The following SLC26A5 variants were observed in gnomAD, a reference collection of about 807,000 sequenced individuals.
SLC26A5 encodes the protein solute carrier family 26 member 5.
A neutral mutation model predicts 81.0 loss-of-function variants in SLC26A5; 51 were observed. The observed-to-expected ratio is 0.63, with a 90% CI of 0.50 to 0.80. The LOEUF is 0.80. Among genes scored for constraint, SLC26A5 ranks in the 30% least tolerant of loss-of-function variants. The pLI, the probability that SLC26A5 is intolerant of heterozygous loss-of-function variation, is 0.00. For missense variants in SLC26A5, 771 were observed against 905.8 expected (o/e 0.85, Z 1.91); for synonymous variants, 325 against 332.8 (o/e 0.98, Z 0.25).
At chr7:103,389,522 T>G (rs1822474056) in intron 12 of SLC26A5, 98 bp from the exon 13 acceptor site, 18 of 861,442 alleles carry the variant, frequency 2.1e-5, no homozygotes, top group Admixed American at 1.7e-4. Flanking sequence ...CCATGCCTTC[T>G]CCCTACTCAC....
intron 8 of SLC26A5, among the ~76,000 whole-genome samples, chr7:103,404,204 T>G (rs1473328246): frequency 6.6e-6 from 1 of 152,122 alleles, no homozygotes; most frequent in Non-Finnish European, 1.5e-5. Flanking sequence ...AATATTGTTA[T>G]GTGTGAATTT....
intron 8 of SLC26A5, among the ~76,000 whole-genome samples, chr7:103,405,472 C>T (rs543879100): frequency 2.6e-5 from 4 of 152,268 alleles, no homozygotes; most frequent in Non-Finnish European, 4.4e-5. Context: ...AGTTTGCTGA[C>T]GTCCATTCCA....
chr7:103,421,646 TGTTCCAAG>T, intron 2 of SLC26A5, 79 bp from the exon 3 acceptor site: 1 of 974,592 alleles, frequency 1.0e-6, no homozygotes, highest in Non-Finnish European at 1.6e-6. Flanking sequence ...TTCTTTGTGG[TGTTCCAAG>T]TTCTTCTGAG....
At chr7:103,420,711 G>A (rs752082714) in intron 4 of SLC26A5, 27 bp downstream of exon 4, 5 of 1,613,488 alleles carry the variant, frequency 3.1e-6, no homozygotes, top group East Asian at 2.2e-5. Context: ...GGACAGCAAG[G>A]GGGGAAAGAA....
chr7:103,364,949 G>A (rs1419226514), intron 19 of SLC26A5, among the ~76,000 whole-genome samples: 1 of 60,652 alleles, frequency 1.6e-5, no homozygotes, highest in East Asian at 7.4e-4. Flanking sequence ...TTTTATGTTT[G>A]TAGACATACA....
intron 9 of SLC26A5, 152 bp from the exon 10 acceptor site, chr7:103,393,218 G>A (rs910675717): frequency 4.2e-6 from 4 of 954,312 alleles, no homozygotes; most frequent in Non-Finnish European, 4.6e-6. Context: ...GCAAAAAGGA[G>A]GGCCCTCCTT....
At chr7:103,421,091 G>A (rs1233009614) in intron 3 of SLC26A5, among the ~76,000 whole-genome samples, 1 of 152,144 alleles carries the variant, frequency 6.6e-6, no homozygotes, top group Non-Finnish European at 1.5e-5. Context: ...TATTTTCAAG[G>A]TGGGTGGAGA....
intron 1 of SLC26A5, among the ~76,000 whole-genome samples, chr7:103,444,306 C>G (rs1827109795): frequency 1.3e-5 from 2 of 152,156 alleles, no homozygotes; most frequent in South Asian, 4.1e-4. Context: ...AATGAGAACA[C>G]CTGGGAATAC....
chr7:103,428,032 T>C lies in SLC26A5; in HGVS notation c.-53-6465A>G, dbSNP rs528346811. ...CATGGCCAGGTAATTTCTGTATTTT[T>C]AGTAGAGATGGGGTTTCACCATATT... On this transcript the variant is annotated intron_variant, in intron 2 of 19. Coordinates refer to ENST00000306312, the MANE Select transcript of SLC26A5 (RefSeq NM_198999.3). Among the ~76,000 whole-genome samples the C allele has an allele frequency of 3.9e-5, 6 of 152,116 alleles. No homozygotes were observed. The East Asian group carries it at 1.2e-3, about 29-fold the overall frequency.
chr7:103,378,400 T>C (rs1232011106), intron 17 of SLC26A5, 46 bp downstream of exon 17: 1 of 1,563,950 alleles, frequency 6.4e-7, no homozygotes, highest in Non-Finnish European at 8.8e-7. Context: ...TGGAGGGCAT[T>C]GCAGAACAAG....
chr7:103,394,691 A>C (rs2116507353), intron 9 of SLC26A5, among the ~76,000 whole-genome samples: 1 of 152,300 alleles, frequency 6.6e-6, no homozygotes, highest in East Asian at 1.9e-4. Flanking sequence ...GTGTATATAG[A>C]AGCATGGTAG....
At chr7:103,368,528 T>C (rs1391618447) in intron 19 of SLC26A5, 4 of 152,728 alleles carry the variant, frequency 2.6e-5, no homozygotes, top group African/African-American at 9.6e-5. Flanking sequence ...GTAGCTCACT[T>C]AGGCGTATGA....
In SLC26A5 at chr7:103,393,178, C is replaced by CA. The variant is rs527981519; in HGVS notation, c.972-113dup. On this transcript the variant is annotated intron_variant, in intron 9 of 19. Transcript: ENST00000306312. ...GGGCATTATCTGCAAATGAAGTAATCAATGCTTGGATACTTATTTGCTCTG... is the reference window on the plus strand; with the variant it reads ...GGGCATTATCTGCAAATGAAGTAATCAAATGCTTGGATACTTATTTGCTCTG... 2.8e-4 allele frequency: 364 copies of CA among 1,304,480 alleles called. No individual in the cohort carries two copies. In the African/African-American group the frequency reaches 5.0e-3, roughly 18 times the overall value. The allele number at this position is 1,304,480 out of a possible 1,614,324, so 80.8% of individuals were successfully genotyped here.
At chr7:103,430,095 T>G (rs10252148) in intron 2 of SLC26A5, among the ~76,000 whole-genome samples, 10,742 of 134,492 alleles carry the variant, frequency 0.08, 1,318 homozygotes, top group African/African-American at 0.3. Flanking sequence ...TTTTTTTTTT[T>G]GAAATAGAGT....
chr7:103,396,821 G>A (rs998427499), intron 9 of SLC26A5, among the ~76,000 whole-genome samples: 14 of 152,206 alleles, frequency 9.2e-5, no homozygotes, highest in African/African-American at 2.2e-4. Context: ...TTTGCTGGGC[G>A]TGGTGGCTCA....
chr7:103,404,971 T>C (rs930016385), intron 8 of SLC26A5, among the ~76,000 whole-genome samples: 8 of 152,120 alleles, frequency 5.3e-5, no homozygotes, highest in Non-Finnish European at 5.9e-5. Flanking sequence ...TTCTGTTTGA[T>C]TTGACTATTT....
At chr7:103,374,877 A>G (rs982300950) in intron 19 of SLC26A5, among the ~76,000 whole-genome samples, 6 of 150,794 alleles carry the variant, frequency 4.0e-5, no homozygotes, top group African/African-American at 1.5e-4. Context: ...CATAACCTCA[A>G]TCCCAGGAAA....
Position 103,391,825 on chromosome 7 carries a change from C to T in SLC26A5, c.1120-90G>A, listed in dbSNP as rs182420611. The T allele has an allele frequency of 2.1e-4, 199 of 938,748 alleles. No homozygotes were observed. The East Asian group carries it at 4.8e-3, about 23-fold the overall frequency. The allele number at this position is 938,748 out of a possible 1,614,324, so 58.2% of individuals were successfully genotyped here. A position where few individuals can be genotyped will look rare whatever the true frequency, so the allele number is the denominator to read the frequency against. Reference sequence around the variant, plus strand: ...GCCCATTTAATACACATTGTCAGCACTACAGCCTATCTCTTCATTTTCCTT... The same window carrying T: ...GCCCATTTAATACACATTGTCAGCATTACAGCCTATCTCTTCATTTTCCTT... On this transcript the variant is annotated intron_variant, in intron 10 of 19. Coordinates refer to ENST00000306312, the MANE Select transcript of SLC26A5 (RefSeq NM_198999.3).
At position 103,421,373 on chromosome 7, in the gene SLC26A5, G is replaced by C. The variant is rs1282589558; in HGVS notation, c.142C>G (p.Gln48Glu). 1 of 1,614,068 alleles carries C rather than the reference G, an allele frequency of 6.2e-7. No homozygotes were observed. The highest frequency in any genetic ancestry group is 1.1e-5 in the South Asian group (1 of 91,068). ...VPDSIADKLK[Q>E]AFTCTPKKIR... ...TAAAAGGCAACGTACGTGAATGCCT[G>C]TTTCAGCTTATCCGCAATGGAATCA... The change falls in exon 3 of 20, where the codon CAG (glutamine) becomes GAG (glutamate). Residue 48 changes from glutamine (Q) to glutamate (E), a missense_variant. Coordinates refer to ENST00000306312, the MANE Select transcript of SLC26A5 (RefSeq NM_198999.3).
Sources: gnomAD v4.1 joint callset for allele counts (sites outside exome capture counted in the v4.1 genomes callset) on GRCh38, gnomAD v4.1.1 for gene constraint, MANE v1.5 for transcripts, NCBI Gene and HGNC (gene_info 2026-07-23, HGNC 2026-07-21) for gene names.